The following RBM25 variants were observed in gnomAD, a reference collection of about 807,000 sequenced individuals.
The protein encoded by RBM25 is RNA binding motif protein 25, also known as RNA-binding protein 25.
Under a neutral mutation model 120.7 loss-of-function variants are expected in RBM25, and 19 were observed. That is an observed-to-expected ratio of 0.16 (90% CI 0.11 to 0.23). The LOEUF (loss-of-function observed/expected upper bound fraction) is 0.23, where lower values mean the gene tolerates loss of function less well. Ranked by LOEUF, RBM25 falls within the 10% of genes least tolerant of loss-of-function variation. The probability of loss-of-function intolerance (pLI) is 1.00; values close to 1 mark genes in which losing one functional copy is unlikely to be tolerated. For synonymous variants in RBM25, 390 were observed against 326.7 expected, an observed-to-expected ratio of 1.19 and a Z score of -2.09; for missense variants, 605 against 1,041.5, an observed-to-expected ratio of 0.58 and a Z score of 5.77.
intron 17 of RBM25, among the ~76,000 whole-genome samples, chr14:73,113,185 A>C (rs1260843108): frequency 2.6e-5 from 4 of 151,686 alleles, no homozygotes; most frequent in Non-Finnish European, 5.9e-5. Context: ...CCCTGTGTCC[A>C]TGTGTTCTCA....
intron 2 of RBM25, among the ~76,000 whole-genome samples, chr14:73,072,281 A>C (rs1035610079): frequency 6.6e-6 from 1 of 152,070 alleles, no homozygotes; most frequent in African/African-American, 2.4e-5. Context: ...TAAAAATTCT[A>C]TATTTAAAAA....
chr14:73,088,166 G>A lies in RBM25; in HGVS notation c.543+5G>A. 3 of 1,613,836 alleles carry A rather than the reference G, an allele frequency of 1.9e-6. No individual in the cohort carries two copies. The highest frequency in any genetic ancestry group is 1.3e-5 in the African/African-American group (1 of 74,980). ...AAGAAGAAAGCTTCTAATGGGGTAT[G>A]TTTTCTGTCGTGTTATCTTTTCTAG... On this transcript the variant is annotated splice_donor_5th_base_variant and intron_variant, in intron 6 of 18. Coordinates refer to ENST00000261973, the MANE Select transcript of RBM25 (RefSeq NM_021239.3).
intron 6 of RBM25, among the ~76,000 whole-genome samples, chr14:73,093,398 GA>G (rs1895860583): frequency 6.6e-6 from 1 of 152,146 alleles, no homozygotes; most frequent in Admixed American, 6.5e-5. Context: ...TAATTTCTCT[GA>G]AAAGAACCAA....
intron 4 of RBM25, among the ~76,000 whole-genome samples, chr14:73,077,810 T>C (rs1398510307): frequency 1.3e-5 from 2 of 152,226 alleles, no homozygotes; most frequent in Non-Finnish European, 2.9e-5. Flanking sequence ...TGTGAATCCT[T>C]CATTTATCTC....
At position 73,106,238 on chromosome 14, in the gene RBM25, G is replaced by C; in HGVS notation, c.1420G>C (p.Glu474Gln). 1 of 1,599,274 alleles carries C rather than the reference G, an allele frequency of 6.3e-7. No individual in the cohort carries two copies. The highest frequency in any genetic ancestry group is 2.2e-5 in the East Asian group (1 of 44,658). The part of the protein sequence containing the change: ...WEIRERKKTR[E>Q]YEKEAEREEE... Reference sequence around the variant, plus strand: ...AATCAGAGAACGAAAGAAAACCCGGGAATATGAGAAAGAAGCTGAAAGAGA... The same window carrying C: ...AATCAGAGAACGAAAGAAAACCCGGCAATATGAGAAAGAAGCTGAAAGAGA... Residue 474 changes from glutamate to glutamine, a missense_variant, in exon 12 of 19, where the codon GAA becomes CAA. Around this residue, in one of 4 missense-constraint regions of RBM25, gnomAD observed 465 missense variants for 741.6 expected, o/e 0.63. Coordinates refer to ENST00000261973, the MANE Select transcript of RBM25 (RefSeq NM_021239.3).
At chr14:73,060,251 A>G (rs1894971858) in intron 1 of RBM25, among the ~76,000 whole-genome samples, 1 of 151,250 alleles carries the variant, frequency 6.6e-6, no homozygotes, top group Non-Finnish European at 1.5e-5. Context: ...GTTGGCCAGA[A>G]TGGTCTCGAT....
At chr14:73,062,384 G>A (rs1224109871) in intron 1 of RBM25, among the ~76,000 whole-genome samples, 1 of 151,250 alleles carries the variant, frequency 6.6e-6, no homozygotes, top group South Asian at 2.1e-4. Context: ...TGAGTGAGTT[G>A]TATGTGAATA....
At chr14:73,068,578 A>G (rs1895199461) in intron 1 of RBM25, 3 of 567,946 alleles carry the variant, frequency 5.3e-6, no homozygotes, top group South Asian at 1.4e-5. Context: ...TTGCCAGTGT[A>G]CGGTAGATCT....
intron 6 of RBM25, among the ~76,000 whole-genome samples, chr14:73,093,721 G>A (rs1432441299): frequency 6.6e-6 from 1 of 151,768 alleles, no homozygotes; most frequent in African/African-American, 2.4e-5. Context: ...TGGCTAGGCT[G>A]GTCTCAAACT....
At chr14:73,111,450 G>A in intron 15 of RBM25, 78 bp from the exon 16 acceptor site, 1 of 1,420,606 alleles carries the variant, frequency 7.0e-7, no homozygotes, top group Non-Finnish European at 9.5e-7. Flanking sequence ...ATTTTGCATT[G>A]CTTTTGAGGG....
chr14:73,079,049 G>A (rs1165737491), intron 4 of RBM25, among the ~76,000 whole-genome samples: 1 of 152,062 alleles, frequency 6.6e-6, no homozygotes, highest in South Asian at 2.1e-4. Flanking sequence ...TAAGCTTGTT[G>A]ATTCACTTTT....
intron 18 of RBM25, among the ~76,000 whole-genome samples, chr14:73,119,411 G>A (rs896925577): frequency 3.3e-5 from 5 of 152,056 alleles, no homozygotes; most frequent in Non-Finnish European, 5.9e-5. Flanking sequence ...GAATACAGGC[G>A]CACGCTGCCA....
Position 73,122,995 on chromosome 14 carries a change from G to A in RBM25, c.*3190G>A, listed in dbSNP as rs1371297342. ...AATACACGTAACTCATGAACGTAAT[G>A]TAATCTTGCAAAATTATGTCTGAGA... On this transcript the variant is annotated 3_prime_UTR_variant, in exon 19 of 19. Transcript: ENST00000261973. 1.3e-5 allele frequency: 2 copies of A among 152,130 alleles called. No individual in the cohort carries two copies. Among genetic ancestry groups the A allele is most frequent in the African/African-American group, 4.8e-5 (2 of 41,440 alleles). The allele number at this position is 152,130 out of a possible 1,614,324, so 9.4% of individuals were successfully genotyped here.
chr14:73,079,124 A>G (rs1449417512), intron 4 of RBM25, among the ~76,000 whole-genome samples: 2 of 147,968 alleles, frequency 1.4e-5, no homozygotes, highest in Non-Finnish European at 3.0e-5. Flanking sequence ...ATGCTGAATG[A>G]TTGTATAATA....
Position 73,114,269 on chromosome 14 carries a change from T to A in RBM25, c.2392-17T>A. Reference sequence around the variant, plus strand: ...TTTTTATTTATTTTTAATGTGACAATTATTTTTCTCTTTTAGGTTATGGCT... The same window carrying A: ...TTTTTATTTATTTTTAATGTGACAAATATTTTTCTCTTTTAGGTTATGGCT... On this transcript the variant is annotated splice_polypyrimidine_tract_variant and intron_variant, in intron 17 of 18. Transcript: ENST00000261973. The A allele has an allele frequency of 6.7e-7, 1 of 1,501,856 alleles. No individual in the cohort carries two copies. The highest frequency in any genetic ancestry group is 2.2e-5 in the Admixed American group (1 of 44,500). 93.0% of individuals were successfully genotyped at this position (1,501,856 alleles called of 1,614,324 possible).
chr14:73,081,105 G>A lies in RBM25; in HGVS notation c.325-2389G>A, dbSNP rs923026898. Among the ~76,000 whole-genome samples, 7 of 151,374 alleles carry A rather than the reference G, an allele frequency of 4.6e-5. No homozygotes were observed. The South Asian group carries it at 6.3e-4, about 14-fold the overall frequency. The stretch of plus-strand genomic sequence containing the variant: ...CTCCCAAAGTGCTGGGATTACATGC[G>A]TGAGCCACTGCCTAGTCCATTTTCT... On this transcript the variant is annotated intron_variant, in intron 4 of 18. Coordinates refer to ENST00000261973, the MANE Select transcript of RBM25 (RefSeq NM_021239.3).
At chr14:73,094,564 C>T (rs1176698934) in intron 6 of RBM25, among the ~76,000 whole-genome samples, 4 of 151,864 alleles carry the variant, frequency 2.6e-5, no homozygotes, top group Non-Finnish European at 5.9e-5. Flanking sequence ...TCTCCTGCCT[C>T]GGCCTCCCAA....
At chr14:73,090,244 T>C (rs1895780941) in intron 6 of RBM25, among the ~76,000 whole-genome samples, 1 of 152,038 alleles carries the variant, frequency 6.6e-6, no homozygotes, top group South Asian at 2.1e-4. Flanking sequence ...AGAGGTGGGA[T>C]TTCTCCATGT....
chr14:73,067,372 A>G (rs1000136972), intron 1 of RBM25, among the ~76,000 whole-genome samples: 7 of 152,126 alleles, frequency 4.6e-5, no homozygotes, highest in Non-Finnish European at 1.0e-4. Context: ...TGTTGGTTAA[A>G]TAAATATGTC....
Sources: gnomAD v4.1 joint callset for allele counts (sites outside exome capture counted in the v4.1 genomes callset) on GRCh38, gnomAD v4.1.1 for gene constraint, gnomAD v4.1.1 regional missense constraint, MANE v1.5 for transcripts, NCBI Gene and HGNC (gene_info 2026-07-23, HGNC 2026-07-21) for gene names.